Variants in XDH observed in about 807,000 individuals in gnomAD.
XDH encodes the protein xanthine dehydrogenase, also known as xanthine dehydrogenase/oxidase.
In XDH, 138 loss-of-function variants were observed where a neutral mutation model predicts 156.1. The ratio of observed to expected loss-of-function variants is 0.88; its 90% CI spans 0.77 to 1.02. XDH has a LOEUF of 1.02. Ranked by LOEUF, XDH falls within the 50% of genes least tolerant of loss-of-function variation. XDH has a pLI of 0.00. For synonymous variants in XDH, 669 were observed against 625.7 expected, an observed-to-expected ratio of 1.07 and a Z score of -1.03; for missense variants, 1,849 against 1,684.9, an observed-to-expected ratio of 1.10 and a Z score of -1.71.
intron 24 of XDH, among the ~76,000 whole-genome samples, chr2:31,354,896 A>T (rs1205255610): frequency 2.6e-5 from 4 of 152,208 alleles, no homozygotes; most frequent in African/African-American, 9.6e-5. Flanking sequence ...AAAAGTTCCC[A>T]AGGTTTCAAG....
chr2:31,356,976 A>G (rs73922352), intron 24 of XDH, among the ~76,000 whole-genome samples: 4,983 of 152,274 alleles, frequency 0.033, 272 homozygotes, highest in African/African-American at 0.11. Flanking sequence ...ACCAAACAGC[A>G]TGCTTCTAAA....
At chr2:31,411,984 T>C (rs2148015357) in intron 1 of XDH, among the ~76,000 whole-genome samples, 1 of 151,452 alleles carries the variant, frequency 6.6e-6, no homozygotes. Flanking sequence ...AGTGAGTGAG[T>C]GAAAGTCACC....
intron 31 of XDH, among the ~76,000 whole-genome samples, chr2:31,343,382 C>T (rs1685186954): frequency 8.3e-6 from 1 of 121,036 alleles, no homozygotes; most frequent in Admixed American, 8.6e-5. Context: ...AATATCTATA[C>T]ATATATATGA....
At chr2:31,411,182 C>T (rs1196580333) in intron 1 of XDH, among the ~76,000 whole-genome samples, 1 of 151,038 alleles carries the variant, frequency 6.6e-6, no homozygotes, top group Non-Finnish European at 1.5e-5. Context: ...ACTCAGGAGG[C>T]TGAGGCAGAC....
intron 1 of XDH, among the ~76,000 whole-genome samples, chr2:31,408,986 A>T (rs1191119184): frequency 6.6e-6 from 1 of 152,244 alleles, no homozygotes; most frequent in Non-Finnish European, 1.5e-5. Flanking sequence ...CATTTGCAAC[A>T]ACATGGATGG....
At chr2:31,386,360 T>C (rs893233396) in intron 9 of XDH, 54 bp downstream of exon 9, 2 of 1,603,118 alleles carry the variant, frequency 1.2e-6, no homozygotes, top group Non-Finnish European at 1.7e-6. Flanking sequence ...CAAGAGGACC[T>C]AGAAACACCC....
intron 6 of XDH, among the ~76,000 whole-genome samples, chr2:31,393,394 T>C (rs1003626843): frequency 3.3e-5 from 5 of 152,242 alleles, no homozygotes; most frequent in African/African-American, 1.2e-4. Flanking sequence ...CCTCTTTTTC[T>C]CTGATAACTG....
intron 6 of XDH, among the ~76,000 whole-genome samples, chr2:31,388,594 C>T (rs1686678589): frequency 6.6e-6 from 1 of 152,214 alleles, no homozygotes; most frequent in Non-Finnish European, 1.5e-5. Context: ...ATCCCTTATG[C>T]CCATTTCTCT....
intron 4 of XDH, 96 bp from the exon 5 acceptor site, chr2:31,398,795 G>T: frequency 6.3e-7 from 1 of 1,583,654 alleles, no homozygotes; most frequent in Non-Finnish European, 8.6e-7. Context: ...GAGAGATAGT[G>T]GGGGTAGTAA....
At chr2:31,393,800 C>T (rs367856421) in intron 6 of XDH, among the ~76,000 whole-genome samples, 28 of 140,430 alleles carry the variant, frequency 2.0e-4, no homozygotes, top group African/African-American at 2.4e-4. Context: ...TTCCTTTTTT[C>T]TTTTTTTTTT....
chr2:31,406,100 T>G lies in XDH; in HGVS notation c.43-136A>C, dbSNP rs944478057. On this transcript the variant is annotated intron_variant, in intron 1 of 35. Transcript: ENST00000379416. The stretch of plus-strand genomic sequence containing the variant: ...TGTGATATAGTTTGCACTCTGCCCC[T>G]CTAAATCTCATGTTTAATTGTAATC... 2.1e-5 allele frequency: 20 copies of G among 969,744 alleles called. No individual in the cohort carries two copies. The African/African-American group carries it at 3.2e-4, about 16-fold the overall frequency. 60.1% of individuals were successfully genotyped at this position (969,744 alleles called of 1,614,324 possible).
intron 6 of XDH, among the ~76,000 whole-genome samples, chr2:31,395,267 T>A (rs1024081807): frequency 6.6e-6 from 1 of 151,894 alleles, no homozygotes. Context: ...CTTCTCAGGG[T>A]TTTTTTTCTC....
At chr2:31,409,449 G>A (rs1430529386) in intron 1 of XDH, among the ~76,000 whole-genome samples, 1 of 151,880 alleles carries the variant, frequency 6.6e-6, no homozygotes, top group East Asian at 1.9e-4. Flanking sequence ...AAAAATTAAA[G>A]GTCTTTCCAT....
At chr2:31,393,724 T>C (rs1686832786) in intron 6 of XDH, among the ~76,000 whole-genome samples, 1 of 152,092 alleles carries the variant, frequency 6.6e-6, no homozygotes, top group Non-Finnish European at 1.5e-5. Context: ...TTTCTGACTT[T>C]TGTGGTTTGA....
chr2:31,344,574 T>C (rs1192416132), intron 31 of XDH, 110 bp downstream of exon 31: 7 of 1,227,978 alleles, frequency 5.7e-6, no homozygotes, highest in Non-Finnish European at 8.4e-6. Flanking sequence ...AAGAGATAAG[T>C]GGAGCTGCTC....
At position 31,375,538 on chromosome 2, in the gene XDH, G is replaced by T. The variant is rs1686222548; in HGVS notation, c.1444C>A (p.Leu482Met). ...RQLSKLWKEELLQDVCAGLAE... is the reference protein window; with the variant it reads ...RQLSKLWKEEMLQDVCAGLAE... ...AGTCCTGCACACACGTCCTGCAGCAGCTCCTCCTTCCAGAGCCTGCCAGAG... is the reference window on the plus strand; with the variant it reads ...AGTCCTGCACACACGTCCTGCAGCATCTCCTCCTTCCAGAGCCTGCCAGAG... Residue 482 changes from leucine to methionine, a missense_variant, in exon 15 of 36, where the codon CTG (leucine) becomes ATG (methionine). Transcript: ENST00000379416. The T allele has an allele frequency of 2.2e-5, 35 of 1,613,460 alleles. No individual in the cohort carries two copies. In the East Asian group the frequency reaches 7.6e-4, roughly 35 times the overall value.
At chr2:31,381,770 AC>A in intron 11 of XDH, 44 bp from the exon 12 acceptor site, 1 of 1,557,680 alleles carries the variant, frequency 6.4e-7, no homozygotes, top group Non-Finnish European at 8.8e-7. Flanking sequence ...ACCCCAGGAA[AC>A]CCCTGCTCAC....
intron 17 of XDH, among the ~76,000 whole-genome samples, chr2:31,371,162 G>C (rs1164447757): frequency 6.6e-6 from 1 of 152,196 alleles, no homozygotes; most frequent in Non-Finnish European, 1.5e-5. Context: ...TATGATCAAG[G>C]ATAACAGTCT....
intron 31 of XDH, among the ~76,000 whole-genome samples, chr2:31,344,042 G>C (rs1457130945): frequency 6.6e-6 from 1 of 152,094 alleles, no homozygotes; most frequent in African/African-American, 2.4e-5. Context: ...GCTAAAATAT[G>C]ATGACTGACA....
Sources: allele counts gnomAD v4.1 joint callset (sites outside exome capture counted in the v4.1 genomes callset), GRCh38; gene constraint gnomAD v4.1.1; transcripts MANE v1.5; gene names NCBI Gene and HGNC (gene_info 2026-07-23, HGNC 2026-07-21).